DYTN: variants seen among roughly 807,000 people sequenced by gnomAD.
DYTN encodes the protein dystrotelin.
In DYTN, 75 loss-of-function variants were observed where a neutral mutation model predicts 69.6. The ratio of observed to expected loss-of-function variants is 1.08; its 90% CI spans 0.89 to 1.31. DYTN has a LOEUF of 1.31. Among genes scored for constraint, DYTN ranks in the 50% most tolerant of loss-of-function variants. The pLI is 0.00. For missense variants in DYTN, 726 were observed against 688.4 expected, an observed-to-expected ratio of 1.05 and a Z score of -0.61; for synonymous variants, 252 against 249.1, an observed-to-expected ratio of 1.01 and a Z score of -0.11.
At chr2:206,688,834 A>G (rs567622899) in intron 9 of DYTN, among the ~76,000 whole-genome samples, 17 of 151,956 alleles carry the variant, frequency 1.1e-4, no homozygotes, top group Non-Finnish European at 1.9e-4. Context: ...TTTTTGTTAA[A>G]CTTTTTTGTA....
Position 206,692,004 on chromosome 2 carries a change from G to A in DYTN, c.980+1171C>T, listed in dbSNP as rs370781025. 7.9e-5 allele frequency among the ~76,000 whole-genome samples: 12 copies of A among 152,290 alleles called. No individual in the cohort carries two copies. In the South Asian group the frequency reaches 1.2e-3, roughly 16 times the overall value. On this transcript the variant is annotated intron_variant, in intron 9 of 11. Coordinates refer to ENST00000452335, the MANE Select transcript of DYTN (RefSeq NM_001093730.1). ...CTCAAAAGTGATGAGGCTGGGCATG[G>A]TGGCTCGTGCCTGTAATCTCAACAC...
intron 1 of DYTN, among the ~76,000 whole-genome samples, chr2:206,712,523 AGT>A (rs1235258272): frequency 6.6e-6 from 1 of 152,188 alleles, no homozygotes; most frequent in Non-Finnish European, 1.5e-5. Flanking sequence ...TAAAATCGAA[AGT>A]GGTTTTCAAA....
chr2:206,662,937 T>G lies in DYTN; in HGVS notation c.1599A>C (p.Lys533Asn). 1 of 1,613,514 alleles carries G rather than the reference T, an allele frequency of 6.2e-7. No individual in the cohort carries two copies. Among genetic ancestry groups the G allele is most frequent in the Non-Finnish European group, 8.5e-7 (1 of 1,179,822 alleles). Residue 533 changes from lysine to asparagine, a missense_variant, in exon 11 of 12, where the codon AAA becomes AAC. Transcript: ENST00000452335. ...EEEELQELLS[K>N]LMDAFNLETP... ...TTTCTAGATTGAAGGCATCCATAAG[T>G]TTTGACAATAGTTCTTGCAGTTCCT...
rs551928674 is a variant in DYTN at position 206,671,285 on chromosome 2, T to G, written c.981-5256A>C. Among the ~76,000 whole-genome samples, 80 of 152,164 alleles carry G rather than the reference T, an allele frequency of 5.3e-4. 1 individual carries two copies. The highest frequency in any genetic ancestry group is 1.0e-3 in the Non-Finnish European group (71 of 68,026). The stretch of plus-strand genomic sequence containing the variant: ...AAATGATCTGAAGAGGGGCTGGCCA[T>G]TTTAGGAACATTGTTGCACAGGAAC... On this transcript the variant is annotated intron_variant, in intron 9 of 11. Coordinates refer to ENST00000452335, the MANE Select transcript of DYTN (RefSeq NM_001093730.1).
chr2:206,716,947 A>G, intron 1 of DYTN, among the ~76,000 whole-genome samples: 1 of 152,088 alleles, frequency 6.6e-6, no homozygotes, highest in Admixed American at 6.5e-5. Flanking sequence ...AAGCTGTGAT[A>G]CAGTGCAACA....
intron 9 of DYTN, among the ~76,000 whole-genome samples, chr2:206,671,656 A>G (rs1699631260): frequency 6.6e-6 from 1 of 152,230 alleles, no homozygotes; most frequent in South Asian, 2.1e-4. Context: ...AAACTTATTT[A>G]TGTGTTCTAA....
At chr2:206,702,089 T>C (rs1360037152) in intron 5 of DYTN, among the ~76,000 whole-genome samples, 1 of 152,178 alleles carries the variant, frequency 6.6e-6, no homozygotes, top group African/African-American at 2.4e-5. Context: ...TACATATATT[T>C]CAACGGCTCA....
At chr2:206,658,351 A>G (rs761243940) in intron 11 of DYTN, among the ~76,000 whole-genome samples, 1 of 152,110 alleles carries the variant, frequency 6.6e-6, no homozygotes, top group African/African-American at 2.4e-5. Context: ...TGGAGCTCTT[A>G]CTTCTTTGTT....
rs1699531702 is a variant in DYTN at position 206,663,170 on chromosome 2, G to A, written c.1366C>T (p.Pro456Ser). 1 of 1,613,808 alleles carries A rather than the reference G, an allele frequency of 6.2e-7. No homozygotes were observed. The highest frequency in any genetic ancestry group is 1.3e-5 in the African/African-American group (1 of 74,892). ...CTGGTGCTGTGCAAAGTGGTCTCTG[G>A]TGATTCTGGATTTCGCAGAGCATGC... is the stretch of plus-strand genomic sequence containing the variant. ...AEHALRNPES[P>S]ETTLHSTRAQ... Residue 456 changes from proline to serine, a missense_variant, in exon 11 of 12, where the codon CCA becomes TCA. Physicochemically the swap from Pro to Ser is moderately conservative, Grantham distance 74. Coordinates refer to ENST00000452335, the MANE Select transcript of DYTN (RefSeq NM_001093730.1).
chr2:206,662,431 T>G (rs1239464326), intron 11 of DYTN, among the ~76,000 whole-genome samples: 2 of 152,086 alleles, frequency 1.3e-5, no homozygotes, highest in African/African-American at 4.8e-5. Flanking sequence ...AAGGATCTTA[T>G]CTAAAGCCTT....
At chr2:206,712,562 G>A (rs960871858) in intron 1 of DYTN, among the ~76,000 whole-genome samples, 1 of 152,220 alleles carries the variant, frequency 6.6e-6, no homozygotes, top group African/African-American at 2.4e-5. Context: ...GAATGTATGG[G>A]TCAGGGAGGA....
In DYTN at chr2:206,705,788, C is replaced by A. The variant is rs918553948; in HGVS notation, c.382G>T (p.Ala128Ser). The change falls in exon 4 of 12, where the codon GCT (alanine) becomes TCT (serine). Residue 128 changes from alanine (A) to serine (S), a missense_variant and splice_region_variant. Ala to Ser is a moderately conservative substitution (Grantham distance 99). Coordinates refer to ENST00000452335, the MANE Select transcript of DYTN (RefSeq NM_001093730.1). ...ACACCCGCAGTCCTCTGCATGTTACCTCGGTATTTTGAAAGAGGGCTGTCT... is the reference window on the plus strand; with the variant it reads ...ACACCCGCAGTCCTCTGCATGTTACATCGGTATTTTGAAAGAGGGCTGTCT... ...SGDSPLSKYR[A>S]LFQLYAENSR... is the part of the protein sequence containing the mutation. 5 of 1,613,582 alleles carry A rather than the reference C, an allele frequency of 3.1e-6. No homozygotes were observed. The highest frequency in any genetic ancestry group is 4.2e-6 in the Non-Finnish European group (5 of 1,179,778).
At chr2:206,714,328 G>A (rs543083186) in intron 1 of DYTN, among the ~76,000 whole-genome samples, 19 of 152,162 alleles carry the variant, frequency 1.2e-4, no homozygotes, top group African/African-American at 3.9e-4. Context: ...TCAGCCTCCC[G>A]AGTAGCTGGG....
At chr2:206,655,247 A>ATT (rs56068317) in intron 11 of DYTN, among the ~76,000 whole-genome samples, 15,010 of 140,796 alleles carry the variant, frequency 0.11, 888 homozygotes, top group Non-Finnish European at 0.14. Context: ...TGATTGTGTG[A>ATT]TTTTTTTTTT....
chr2:206,691,656 A>T (rs6705617), intron 9 of DYTN, among the ~76,000 whole-genome samples: 1 of 151,986 alleles, frequency 6.6e-6, no homozygotes. Flanking sequence ...TATCCAAATT[A>T]TCTAACTTTA....
chr2:206,669,896 A>G (rs928811633), intron 9 of DYTN, among the ~76,000 whole-genome samples: 3 of 152,220 alleles, frequency 2.0e-5, no homozygotes, highest in African/African-American at 2.4e-5. Flanking sequence ...ATCTCATCAT[A>G]CATATATACA....
intron 9 of DYTN, among the ~76,000 whole-genome samples, chr2:206,684,022 C>T (rs1488743510): frequency 6.6e-6 from 1 of 151,004 alleles, no homozygotes; most frequent in East Asian, 1.9e-4. Context: ...ATACCATTTC[C>T]ATTTGTCTGG....
At chr2:206,712,075 G>A (rs550502854) in intron 1 of DYTN, among the ~76,000 whole-genome samples, 1 of 152,282 alleles carries the variant, frequency 6.6e-6, no homozygotes, top group Non-Finnish European at 1.5e-5. Context: ...AAAATGGCCT[G>A]TTCTAACTGC....
intron 11 of DYTN, among the ~76,000 whole-genome samples, chr2:206,652,994 T>C (rs13031637): frequency 0.097 from 14,782 of 152,250 alleles, 893 homozygotes; most frequent in Non-Finnish European, 0.14. Context: ...ATTATGTTAG[T>C]TGTTTACTTT....
Sources: gnomAD v4.1 joint callset for allele counts (sites outside exome capture counted in the v4.1 genomes callset) on GRCh38, gnomAD v4.1.1 for gene constraint, MANE v1.5 for transcripts, NCBI Gene and HGNC (gene_info 2026-07-23, HGNC 2026-07-21) for gene names.